TMPRSS4: variants seen among roughly 807,000 people sequenced by gnomAD.
The protein encoded by TMPRSS4 is transmembrane protease serine 4.
TMPRSS4 carries 45 observed loss-of-function variants against 56.4 expected under a neutral mutation model. The observed-to-expected ratio is 0.80, with a 90% CI of 0.63 to 1.02. The LOEUF (loss-of-function observed/expected upper bound fraction) is 1.02. Among genes scored for constraint, TMPRSS4 ranks in the 50% least tolerant of loss-of-function variants. TMPRSS4 has a pLI of 0.00. For synonymous variants in TMPRSS4, 205 were observed against 211.0 expected, an observed-to-expected ratio of 0.97 and a Z score of 0.25; for missense variants, 546 against 556.7, an observed-to-expected ratio of 0.98 and a Z score of 0.19.
At chr11:118,102,776 C>T (rs1946781590) in intron 3 of TMPRSS4, among the ~76,000 whole-genome samples, 1 of 152,218 alleles carries the variant, frequency 6.6e-6, no homozygotes, top group Non-Finnish European at 1.5e-5. Context: ...GGTCTTCAGA[C>T]TCCGGGTTCC....
chr11:118,092,365 G>C (rs1383459982), intron 1 of TMPRSS4, among the ~76,000 whole-genome samples: 3 of 152,218 alleles, frequency 2.0e-5, no homozygotes, highest in Non-Finnish European at 4.4e-5. Context: ...AGGATAACTT[G>C]GTGGGTGGGG....
chr11:118,078,311 T>C (rs1329591300), intron 1 of TMPRSS4, among the ~76,000 whole-genome samples: 1 of 151,956 alleles, frequency 6.6e-6, no homozygotes, highest in African/African-American at 2.4e-5. Context: ...GAGGCAGCAA[T>C]TGCCCAGCCA....
intron 1 of TMPRSS4, 145 bp downstream of exon 1, chr11:118,077,450 C>T (rs559975641): frequency 1.6e-5 from 16 of 974,484 alleles, no homozygotes; most frequent in Non-Finnish European, 1.9e-5. Context: ...AATCCCCTCA[C>T]ACCCCAGCCC....
intron 1 of TMPRSS4, among the ~76,000 whole-genome samples, chr11:118,093,595 C>G (rs1411408515): frequency 6.6e-6 from 1 of 152,326 alleles, no homozygotes; most frequent in African/African-American, 2.4e-5. Context: ...ATAGAAATGC[C>G]TTTGCGTGTA....
At chr11:118,105,731 A>G (rs1263666613) in intron 5 of TMPRSS4, 1 of 152,194 alleles carries the variant, frequency 6.6e-6, no homozygotes, top group Admixed American at 6.5e-5. Flanking sequence ...GGCAGGCCTC[A>G]GATTTCTTCA....
rs778548932 is a variant in TMPRSS4, at chr11:118,114,869, G to A, written c.951G>A (p.Glu317=). The A allele has an allele frequency of 3.3e-5, 53 of 1,609,206 alleles. 1 individual carries two copies. In the South Asian group the frequency reaches 4.1e-4, roughly 13 times the overall value. Residue 317 remains glutamate (E), a synonymous_variant, in exon 10 of 13, where the codon GAG becomes GAA. Coordinates refer to ENST00000437212, the MANE Select transcript of TMPRSS4 (RefSeq NM_019894.4). ...RPICLPFFDE[E]LTPATPLWII... The stretch of plus-strand genomic sequence containing the variant: ...TCTGTCTGCCCTTCTTTGATGAGGA[G>A]CTCACTCCAGCCACCCCACTCTGGA...
intron 7 of TMPRSS4, 133 bp downstream of exon 7, chr11:118,109,029 C>A (rs10892216): frequency 0.67 from 641,458 of 958,474 alleles, 218,455 homozygotes; most frequent in African/African-American, 0.92. Flanking sequence ...TTGGGCTTGT[C>A]GGTCAATGCC....
chr11:118,114,824 G>T lies in TMPRSS4; in HGVS notation c.911-5G>T. 1.2e-6 allele frequency: 2 copies of T among 1,601,182 alleles called. No individual in the cohort carries two copies. The highest frequency in any genetic ancestry group is 1.3e-5 in the African/African-American group (1 of 74,952). The stretch of plus-strand genomic sequence containing the variant: ...GATCTCCTTCTTCCTCTGTGCTCCT[G>T]GCAGGCACAGTCAGGCCCATCTGTC... On this transcript the variant is annotated splice_polypyrimidine_tract_variant and splice_region_variant and intron_variant, in intron 9 of 12. Transcript: ENST00000437212.
At chr11:118,123,759 C>T (rs1028966246), downstream of TMPRSS4, among the ~76,000 whole-genome samples, 11 of 151,972 alleles carry the variant, frequency 7.2e-5, no homozygotes, top group African/African-American at 2.4e-4. Flanking sequence ...CTCCTGACCT[C>T]GTGATCCGCC....
intron 7 of TMPRSS4, among the ~76,000 whole-genome samples, chr11:118,109,574 CAAG>C (rs1340865665): frequency 6.6e-6 from 1 of 152,132 alleles, no homozygotes; most frequent in Admixed American, 6.5e-5. Flanking sequence ...TTCATTTTCC[CAAG>C]AAGTTGTTTA....
Position 118,117,943 on chromosome 11 carries a change from C to T in TMPRSS4, c.*30C>T, listed in dbSNP as rs200919777. ...GCTGCCCCTTTGCAGTGCTGGGAGC[C>T]GCTTCCTTCCTGCCCTGCCCACCTG... On this transcript the variant is annotated 3_prime_UTR_variant, in exon 13 of 13. Coordinates refer to ENST00000437212, the MANE Select transcript of TMPRSS4 (RefSeq NM_019894.4). 41 of 1,612,526 alleles carry T rather than the reference C, an allele frequency of 2.5e-5. No individual in the cohort carries two copies. The highest frequency in any genetic ancestry group is 2.1e-4 in the Middle Eastern group (1 of 4,776).
chr11:118,077,220 T>C lies in TMPRSS4; in HGVS notation c.-83T>C. The C allele has an allele frequency of 6.5e-7, 1 of 1,546,894 alleles. No homozygotes were observed. The highest frequency in any genetic ancestry group is 8.8e-7 in the Non-Finnish European group (1 of 1,140,538). ...TCTGACCTGCTGGCCAGCCAGGACC[T>C]GTGTGGGGAGGCCCTCCTGCTGCCT... On this transcript the variant is annotated 5_prime_UTR_variant, in exon 1 of 13. Coordinates refer to ENST00000437212, the MANE Select transcript of TMPRSS4 (RefSeq NM_019894.4).
rs1261420100 is a variant in TMPRSS4, at chr11:118,077,325, C to A, written c.3+20C>A. 6.3e-7 allele frequency: 1 copy of A among 1,594,014 alleles called. No homozygotes were observed. Among genetic ancestry groups the A allele is most frequent in the Admixed American group, 1.7e-5 (1 of 57,720 alleles). Reference sequence around the variant, plus strand: ...AGCATGGTGAGTGTGGGGCCCTCTGCTCCCAAGACACAGGAAGGGTGGGTC... The same window carrying A: ...AGCATGGTGAGTGTGGGGCCCTCTGATCCCAAGACACAGGAAGGGTGGGTC... On this transcript the variant is annotated intron_variant, in intron 1 of 12. Coordinates refer to ENST00000437212, the MANE Select transcript of TMPRSS4 (RefSeq NM_019894.4).
rs1947642879 is a variant in TMPRSS4, at chr11:118,117,841, T to A, written c.1303-61T>A. 1.4e-5 allele frequency: 23 copies of A among 1,614,004 alleles called. 1 individual carries two copies. Among genetic ancestry groups the A allele is most frequent in the South Asian group, 1.3e-4 (12 of 91,072 alleles). On this transcript the variant is annotated intron_variant, in intron 12 of 12. Transcript: ENST00000437212. ...AAAAGGAAGACTCACGTTACACATG[T>A]CACCACTTTGTCCAGTTTCAGATAA... is the stretch of plus-strand genomic sequence containing the variant.
At position 118,113,431 on chromosome 11, in the gene TMPRSS4, C is replaced by T; in HGVS notation, c.906C>T (p.Phe302=). The T allele has an allele frequency of 6.2e-7, 1 of 1,614,012 alleles. No homozygotes were observed. Among genetic ancestry groups the T allele is most frequent in the South Asian group, 1.1e-5 (1 of 91,048 alleles). The change falls in exon 9 of 13, where the codon TTC becomes TTT. Residue 302 remains phenylalanine, a synonymous_variant. Coordinates refer to ENST00000437212, the MANE Select transcript of TMPRSS4 (RefSeq NM_019894.4). ...TGAAGCTGCAGTTCCCACTCACTTT[C>T]TCAGGTGAGAAGCAGGGCCCAAGGC... ...ALMKLQFPLT[F]SGTVRPICLP...
At position 118,087,313 on chromosome 11, in the gene TMPRSS4, C is replaced by T. The variant is rs571574634; in HGVS notation, c.4-7503C>T. On this transcript the variant is annotated intron_variant, in intron 1 of 12. Coordinates refer to ENST00000437212, the MANE Select transcript of TMPRSS4 (RefSeq NM_019894.4). The stretch of plus-strand genomic sequence containing the variant: ...AGAGAGGAAGAGAGAAATCAGGCCC[C>T]AGGGACAGGATGCTTGGCAAGGGAG... Among the ~76,000 whole-genome samples the T allele has an allele frequency of 1.1e-3, 171 of 152,314 alleles. 1 individual carries two copies. The highest frequency in any genetic ancestry group is 1.2e-3 in the Non-Finnish European group (82 of 68,024).
At position 118,094,885 on chromosome 11, in the gene TMPRSS4, A is replaced by G. The variant is rs1188692718; in HGVS notation, c.43+30A>G. 3.1e-6 allele frequency: 5 copies of G among 1,607,082 alleles called. No individual in the cohort carries two copies. The Admixed American group carries it at 6.8e-5, about 22-fold the overall frequency. On this transcript the variant is annotated intron_variant, in intron 2 of 12. Coordinates refer to ENST00000437212, the MANE Select transcript of TMPRSS4 (RefSeq NM_019894.4). Reference sequence around the variant, plus strand: ...GTTCAGGTCCGGCTTTCATTCGTCCACCTTAGCCTCTGAGTTTCAGCTACC... The same window carrying G: ...GTTCAGGTCCGGCTTTCATTCGTCCGCCTTAGCCTCTGAGTTTCAGCTACC...
chr11:118,113,160 C>A, intron 8 of TMPRSS4, 109 bp from the exon 9 acceptor site: 1 of 1,111,184 alleles, frequency 9.0e-7, no homozygotes, highest in Non-Finnish European at 1.3e-6. Context: ...TCTTTCCTCC[C>A]AAGGCAGTGA....
chr11:118,102,352 T>C (rs1023807054), intron 3 of TMPRSS4, among the ~76,000 whole-genome samples: 6 of 152,112 alleles, frequency 3.9e-5, no homozygotes, highest in African/African-American at 1.4e-4. Context: ...ATTATAGATA[T>C]CATCATCCCA....
Sources: allele counts gnomAD v4.1 joint callset (sites outside exome capture counted in the v4.1 genomes callset), GRCh38; gene constraint gnomAD v4.1.1; transcripts MANE v1.5; gene names NCBI Gene and HGNC (gene_info 2026-07-23, HGNC 2026-07-21).